Variants in DCTN5 observed in about 807,000 individuals in gnomAD.
DCTN5 encodes dynactin subunit 5.
A neutral mutation model predicts 23.5 loss-of-function variants in DCTN5; 14 were observed. The ratio of observed to expected loss-of-function variants is 0.60; its 90% CI spans 0.39 to 0.93. DCTN5 has a LOEUF of 0.93. DCTN5 is among the 40% of genes least tolerant of loss of function. The pLI is 0.00. For missense variants in DCTN5, 156 were observed against 225.9 expected, an observed-to-expected ratio of 0.69 and a Z score of 1.98; for synonymous variants, 67 against 79.6, an observed-to-expected ratio of 0.84 and a Z score of 0.84.
rs1968029921 is a variant in DCTN5, at chr16:23,672,826, A to G, written c.*5682A>G. 1 of 152,256 alleles carries G rather than the reference A, an allele frequency of 6.6e-6. No homozygotes were observed. The highest frequency in any genetic ancestry group is 6.5e-5 in the Admixed American group (1 of 15,276). 9.4% of individuals were successfully genotyped at this position (152,256 alleles called of 1,614,324 possible). A position where few individuals can be genotyped will look rare whatever the true frequency, so the allele number is the denominator to read the frequency against. On this transcript the variant is annotated 3_prime_UTR_variant, in exon 6 of 6. Transcript: ENST00000300087. ...ATTAATGGACCATAATTGCAACTGT[A>G]TAAAACAAATTCCATGTTTGGCCAG...
chr16:23,643,216 C>A (rs1967343973), intron 2 of DCTN5, among the ~76,000 whole-genome samples, 193 bp downstream of exon 2: 1 of 150,166 alleles, frequency 6.7e-6, no homozygotes, highest in African/African-American at 2.5e-5. Context: ...TTTTTTGAGA[C>A]AGTCTCACTC....
chr16:23,650,017 G>A (rs1317930329), intron 2 of DCTN5, among the ~76,000 whole-genome samples: 1 of 152,048 alleles, frequency 6.6e-6, no homozygotes, highest in Non-Finnish European at 1.5e-5. Flanking sequence ...CTATAGATAT[G>A]TGGATTAATT....
intron 2 of DCTN5, chr16:23,651,203 A>G (rs1967598430): frequency 2.8e-6 from 3 of 1,052,826 alleles, no homozygotes; most frequent in Non-Finnish European, 3.4e-6. Flanking sequence ...TGCCTTGCCC[A>G]TTGTTGAGTT....
chr16:23,665,559 GA>G, intron 4 of DCTN5, 66 bp from the exon 5 acceptor site: 1 of 1,454,436 alleles, frequency 6.9e-7, no homozygotes, highest in Non-Finnish European at 9.4e-7. Context: ...CATGAATGGG[GA>G]AAATAGAAAG....
chr16:23,658,666 G>A, intron 3 of DCTN5, 41 bp downstream of exon 3: 1 of 1,481,130 alleles, frequency 6.8e-7, no homozygotes, highest in Non-Finnish European at 9.4e-7. Context: ...TGGGCAAGAA[G>A]CTGCCACTGG....
rs377711463 is a variant in DCTN5, at chr16:23,673,999, G to A, written c.*6855G>A. Reference sequence around the variant, plus strand: ...ACAAGATAAAAAGGCAGCCTTGCATGTCACTTGGACCACAGCTGTCTGGCC... The same window carrying A: ...ACAAGATAAAAAGGCAGCCTTGCATATCACTTGGACCACAGCTGTCTGGCC... On this transcript the variant is annotated 3_prime_UTR_variant, in exon 6 of 6. Transcript: ENST00000300087. The A allele has an allele frequency of 5.3e-5, 8 of 152,202 alleles. No homozygotes were observed. Among genetic ancestry groups the A allele is most frequent in the African/African-American group, 1.4e-4 (6 of 41,456 alleles). 9.4% of individuals were successfully genotyped at this position (152,202 alleles called of 1,614,324 possible).
At chr16:23,650,787 A>G (rs1345170386) in intron 2 of DCTN5, 3 of 1,533,274 alleles carry the variant, frequency 2.0e-6, no homozygotes, top group African/African-American at 2.7e-5. Context: ...CTGAGCCCAT[A>G]TATCAGATGT....
chr16:23,666,951 T>C, intron 5 of DCTN5, 96 bp from the exon 6 acceptor site: 3 of 1,542,392 alleles, frequency 1.9e-6, no homozygotes, highest in Non-Finnish European at 1.8e-6. Flanking sequence ...TTGTCAGACA[T>C]GCATCTGATT....
Position 23,675,007 on chromosome 16 carries a change from A to G in DCTN5, c.*7863A>G, listed in dbSNP as rs1968066318. 6.6e-6 allele frequency: 1 copy of G among 152,078 alleles called. No homozygotes were observed. Among genetic ancestry groups the G allele is most frequent in the African/African-American group, 2.4e-5 (1 of 41,396 alleles). The allele number at this position is 152,078 out of a possible 1,614,324, so 9.4% of individuals were successfully genotyped here. Reference sequence around the variant, plus strand: ...GATTAGGGCCCATCCTAACAATCCCATTTTAACTTAGTTACCTCTTCAGGG... The same window carrying G: ...GATTAGGGCCCATCCTAACAATCCCGTTTTAACTTAGTTACCTCTTCAGGG... On this transcript the variant is annotated 3_prime_UTR_variant, in exon 6 of 6. Coordinates refer to ENST00000300087, the MANE Select transcript of DCTN5 (RefSeq NM_032486.4).
intron 3 of DCTN5, among the ~76,000 whole-genome samples, chr16:23,658,947 C>T (rs890027426): frequency 3.9e-5 from 6 of 152,264 alleles, no homozygotes; most frequent in East Asian, 1.9e-4. Flanking sequence ...GACAGCTAGC[C>T]GGAATCAAGA....
Position 23,643,017 on chromosome 16 carries a change from TGGCAAGGTAA to T in DCTN5, c.114_117+6del. 1 of 1,614,166 alleles carries T rather than the reference TGGCAAGGTAA, an allele frequency of 6.2e-7. No individual in the cohort carries two copies. Among genetic ancestry groups the T allele is most frequent in the Non-Finnish European group, 8.5e-7 (1 of 1,179,984 alleles). Reference sequence around the variant, plus strand: ...GTGGAAGCCAGAACATCGTTCTCAATGGCAAGGTAAGGGACAAAGCCAGCTCCAGGCTGCA... The same window carrying T: ...GTGGAAGCCAGAACATCGTTCTCAATGGGACAAAGCCAGCTCCAGGCTGCA... On this transcript the variant is annotated splice_donor_variant and splice_donor_region_variant and coding_sequence_variant and intron_variant, in exon 2 of 6. Coordinates refer to ENST00000300087, the MANE Select transcript of DCTN5 (RefSeq NM_032486.4). LOFTEE classifies it high-confidence loss of function.
At chr16:23,650,764 C>A (rs1408747667) in intron 2 of DCTN5, 1 of 1,534,908 alleles carries the variant, frequency 6.5e-7, no homozygotes, top group South Asian at 1.2e-5. Flanking sequence ...AGAACTTTGT[C>A]ATTTCTGTTT....
At position 23,676,183 on chromosome 16, in the gene DCTN5, A is replaced by T. The variant is rs1297101809; in HGVS notation, c.*9039A>T. 1 of 149,400 alleles carries T rather than the reference A, an allele frequency of 6.7e-6. No individual in the cohort carries two copies. The highest frequency in any genetic ancestry group is 1.5e-5 in the Non-Finnish European group (1 of 67,694). The allele number at this position is 149,400 out of a possible 1,614,324, so 9.3% of individuals were successfully genotyped here. ...TATACTGTGCCTGAATTGATGCCTC[A>T]GGTCAGGTTGAAAAAAAAAAAAAAG... On this transcript the variant is annotated 3_prime_UTR_variant, in exon 6 of 6. Coordinates refer to ENST00000300087, the MANE Select transcript of DCTN5 (RefSeq NM_032486.4).
Position 23,665,739 on chromosome 16 carries a change from C to T in DCTN5, c.451+11C>T. 1 of 1,604,238 alleles carries T rather than the reference C, an allele frequency of 6.2e-7. No homozygotes were observed. On this transcript the variant is annotated intron_variant, in intron 5 of 5. Coordinates refer to ENST00000300087, the MANE Select transcript of DCTN5 (RefSeq NM_032486.4). ...TCTCAGGCTGCCCAGGTAACCTTGG[C>T]TGTTGATTAATTTTATTTTAACTTC...
chr16:23,654,645 A>G (rs1967666934), intron 2 of DCTN5, among the ~76,000 whole-genome samples: 1 of 152,212 alleles, frequency 6.6e-6, no homozygotes, highest in Admixed American at 6.5e-5. Context: ...CTGTTTTGAA[A>G]TACATAATAG....
At position 23,667,030 on chromosome 16, in the gene DCTN5, G is replaced by C. The variant is rs201959191; in HGVS notation, c.452-17G>C. On this transcript the variant is annotated splice_polypyrimidine_tract_variant and intron_variant, in intron 5 of 5. Coordinates refer to ENST00000300087, the MANE Select transcript of DCTN5 (RefSeq NM_032486.4). ...AACTTCTTCAAGCTCCTTAGAGCTG[G>C]GTCTTTCTTTCCCCAGGACTCTTCT... 5.0e-6 allele frequency: 8 copies of C among 1,613,570 alleles called. No individual in the cohort carries two copies. In the East Asian group the frequency reaches 1.8e-4, roughly 36 times the overall value.
intron 1 of DCTN5, 88 bp from the exon 2 acceptor site, chr16:23,642,867 C>G: frequency 8.4e-7 from 1 of 1,184,538 alleles, no homozygotes; most frequent in African/African-American, 1.5e-5. Flanking sequence ...ATGTTTTTTT[C>G]TCTCAAATGG....
intron 4 of DCTN5, 118 bp downstream of exon 4, chr16:23,661,399 C>A: frequency 1.5e-6 from 1 of 684,736 alleles, no homozygotes; most frequent in Admixed American, 3.0e-5. Flanking sequence ...CCAGTCTTCC[C>A]AGAGTTGGAT....
intron 2 of DCTN5, among the ~76,000 whole-genome samples, chr16:23,648,356 T>C (rs1172462352): frequency 6.8e-6 from 1 of 146,814 alleles, no homozygotes; most frequent in Admixed American, 6.8e-5. Flanking sequence ...TTTTTTTTTT[T>C]TTTTTTTTTT....
Sources: allele counts gnomAD v4.1 joint callset (sites outside exome capture counted in the v4.1 genomes callset), GRCh38; gene constraint gnomAD v4.1.1; transcripts MANE v1.5; gene names NCBI Gene and HGNC (gene_info 2026-07-23, HGNC 2026-07-21).